Variants in SLC24A4 observed in about 807,000 individuals in gnomAD.
SLC24A4 encodes solute carrier family 24 member 4.
Under a neutral mutation model 79.0 loss-of-function variants are expected in SLC24A4, and 53 were observed. That is an observed-to-expected ratio of 0.67 (90% CI 0.54 to 0.84). The LOEUF is 0.84. Ranked by LOEUF, SLC24A4 falls within the 40% of genes least tolerant of loss-of-function variation. The pLI, the probability that SLC24A4 is intolerant of heterozygous loss-of-function variation, is 0.00. For missense variants in SLC24A4, 731 were observed against 822.0 expected, an observed-to-expected ratio of 0.89 and a Z score of 1.35; for synonymous variants, 323 against 323.8, an observed-to-expected ratio of 1.00 and a Z score of 0.03.
intron 2 of SLC24A4, among the ~76,000 whole-genome samples, chr14:92,425,806 C>T (rs1891531592): frequency 6.6e-6 from 1 of 151,984 alleles, no homozygotes; most frequent in Non-Finnish European, 1.5e-5. Flanking sequence ...ATAGTGATAC[C>T]CAGTCTCTAC....
chr14:92,496,223 A>T lies in SLC24A4; in HGVS notation c.*2595A>T, dbSNP rs1387649444. On this transcript the variant is annotated 3_prime_UTR_variant, in exon 17 of 17. Transcript: ENST00000532405. ...GTGCCAATGTAACTTCCTTTAAAGGATCTATGCATTTATTAAATCTGGAAA... is the reference window on the plus strand; with the variant it reads ...GTGCCAATGTAACTTCCTTTAAAGGTTCTATGCATTTATTAAATCTGGAAA... 1 of 152,676 alleles carries T rather than the reference A, an allele frequency of 6.5e-6. No individual in the cohort carries two copies. The highest frequency in any genetic ancestry group is 1.5e-5 in the Non-Finnish European group (1 of 68,044). 9.5% of individuals were successfully genotyped at this position (152,676 alleles called of 1,614,324 possible).
intron 2 of SLC24A4, among the ~76,000 whole-genome samples, chr14:92,361,543 C>A (rs748428327): frequency 6.6e-6 from 1 of 152,094 alleles, no homozygotes; most frequent in Admixed American, 6.5e-5. Context: ...GACAGCCTGA[C>A]TAGATTTGTT....
chr14:92,368,721 G>A (rs1028793994), intron 2 of SLC24A4, among the ~76,000 whole-genome samples: 2 of 152,158 alleles, frequency 1.3e-5, no homozygotes, highest in Admixed American at 1.3e-4. Flanking sequence ...GGGTGGGGCA[G>A]GGGGAGCCAA....
At position 92,399,149 on chromosome 14, in the gene SLC24A4, A is replaced by G. The variant is rs57927183; in HGVS notation, c.242-34763A>G. 5.7e-3 allele frequency among the ~76,000 whole-genome samples: 865 copies of G among 152,312 alleles called. 10 individuals carry two copies. The highest frequency in any genetic ancestry group is 0.02 in the African/African-American group (840 of 41,556). ...TCAATTGATCTTAAAATGCATTTTC[A>G]GTAGGATATAGAGTTCTCTGGACCC... is the stretch of plus-strand genomic sequence containing the variant. On this transcript the variant is annotated intron_variant, in intron 2 of 16. Transcript: ENST00000532405.
In SLC24A4 at chr14:92,445,216, G is replaced by A. The variant is rs1566772054; in HGVS notation, c.658-101G>A. On this transcript the variant is annotated intron_variant, in intron 7 of 16. Transcript: ENST00000532405. ...ATGGACCCATAACACATATAACAAG[G>A]CCAGTATAAATTGGCTCTGGGTGCC... The A allele has an allele frequency of 8.8e-6, 11 of 1,248,854 alleles. No homozygotes were observed. In the East Asian group the frequency reaches 2.5e-4, roughly 29 times the overall value. The allele number at this position is 1,248,854 out of a possible 1,614,324, so 77.4% of individuals were successfully genotyped here. A position where few individuals can be genotyped will look rare whatever the true frequency, so the allele number is the denominator to read the frequency against.
At chr14:92,439,433 C>G in intron 4 of SLC24A4, 24 bp downstream of exon 4, 1 of 1,601,544 alleles carries the variant, frequency 6.2e-7, no homozygotes, top group Non-Finnish European at 8.6e-7. Context: ...ACTTGGGACA[C>G]CTTGGTGAAG....
At chr14:92,452,942 G>A (rs1183904536) in intron 10 of SLC24A4, 2 of 152,226 alleles carry the variant, frequency 1.3e-5, no homozygotes, top group East Asian at 3.9e-4. Flanking sequence ...GGACACACCA[G>A]GAGCTGGTAA....
chr14:92,390,211 G>A (rs985141650), intron 2 of SLC24A4, among the ~76,000 whole-genome samples: 5 of 151,828 alleles, frequency 3.3e-5, no homozygotes, highest in East Asian at 1.9e-4. Context: ...GTGTCTCCCC[G>A]CCAGGGCTGA....
chr14:92,474,546 G>A (rs1188701684), intron 12 of SLC24A4, among the ~76,000 whole-genome samples: 1 of 151,594 alleles, frequency 6.6e-6, no homozygotes, highest in Non-Finnish European at 1.5e-5. Context: ...GTGCAATGGT[G>A]TGATCTCTGC....
intron 2 of SLC24A4, among the ~76,000 whole-genome samples, chr14:92,413,025 C>T (rs985807472): frequency 2.6e-5 from 4 of 152,194 alleles, no homozygotes; most frequent in Non-Finnish European, 5.9e-5. Context: ...GTCTCATCTG[C>T]GGCTGCTTTC....
chr14:92,386,285 TC>T (rs1316429453), intron 2 of SLC24A4, among the ~76,000 whole-genome samples: 2 of 152,050 alleles, frequency 1.3e-5, no homozygotes, highest in African/African-American at 4.8e-5. Context: ...GGCTTTTGAC[TC>T]CTGCAACCCT....
At chr14:92,435,106 A>T (rs1892094785) in intron 3 of SLC24A4, among the ~76,000 whole-genome samples, 1 of 152,244 alleles carries the variant, frequency 6.6e-6, no homozygotes, top group Non-Finnish European at 1.5e-5. Context: ...AAATGGGCTT[A>T]TCAAGCTATA....
At chr14:92,492,009 G>T (rs1895702631) in intron 15 of SLC24A4, among the ~76,000 whole-genome samples, 166 bp from the exon 16 acceptor site, 1 of 152,066 alleles carries the variant, frequency 6.6e-6, no homozygotes, top group African/African-American at 2.4e-5. Flanking sequence ...GAGCAGGGTC[G>T]TGACTTGAAT....
At chr14:92,359,626 A>G (rs1404187467) in intron 2 of SLC24A4, among the ~76,000 whole-genome samples, 1 of 152,116 alleles carries the variant, frequency 6.6e-6, no homozygotes, top group African/African-American at 2.4e-5. Context: ...AAGCATTACC[A>G]CACATGCAGA....
At chr14:92,343,782 A>G (rs555005730) in intron 2 of SLC24A4, among the ~76,000 whole-genome samples, 1 of 150,288 alleles carries the variant, frequency 6.7e-6, no homozygotes, top group African/African-American at 2.5e-5. Flanking sequence ...GGCTCACTGC[A>G]TCCTCCGCCT....
chr14:92,343,700 C>CCTTT (rs1342013333), intron 2 of SLC24A4, among the ~76,000 whole-genome samples: 1 of 130,728 alleles, frequency 7.6e-6, no homozygotes, highest in Non-Finnish European at 1.5e-5. Context: ...TTCCTTCCTT[C>CCTTT]CTTTCTTTCT....
At chr14:92,424,519 A>G (rs767853349) in intron 2 of SLC24A4, among the ~76,000 whole-genome samples, 1 of 152,170 alleles carries the variant, frequency 6.6e-6, no homozygotes, top group Non-Finnish European at 1.5e-5. Context: ...CAGAGATCAC[A>G]TGGTGAGAGA....
intron 2 of SLC24A4, among the ~76,000 whole-genome samples, chr14:92,409,704 T>G (rs1203395542): frequency 6.6e-6 from 1 of 152,006 alleles, no homozygotes. Flanking sequence ...ATTGTTTGGT[T>G]TTTTTTTAAG....
rs1217698935 is a variant in SLC24A4, at chr14:92,500,754, A to C, written c.*7126A>C. 6.6e-6 allele frequency: 1 copy of C among 152,346 alleles called. No homozygotes were observed. Among genetic ancestry groups the C allele is most frequent in the Non-Finnish European group, 1.5e-5 (1 of 68,142 alleles). 9.4% of individuals were successfully genotyped at this position (152,346 alleles called of 1,614,324 possible). A position where few individuals can be genotyped will look rare whatever the true frequency, so the allele number is the denominator to read the frequency against. On this transcript the variant is annotated 3_prime_UTR_variant, in exon 17 of 17. Coordinates refer to ENST00000532405, the MANE Select transcript of SLC24A4 (RefSeq NM_153646.4). ...AGGCTGAGTCTCCATTTCAGAGCACACACTCCCTGGCAGGGCGCCTCTGCC... is the reference window on the plus strand; with the variant it reads ...AGGCTGAGTCTCCATTTCAGAGCACCCACTCCCTGGCAGGGCGCCTCTGCC...
Sources: allele counts gnomAD v4.1 joint callset (sites outside exome capture counted in the v4.1 genomes callset), GRCh38; gene constraint gnomAD v4.1.1; transcripts MANE v1.5; gene names NCBI Gene and HGNC (gene_info 2026-07-23, HGNC 2026-07-21).